The following TEX29 variants were observed in gnomAD, a reference collection of about 807,000 sequenced individuals.
The protein encoded by TEX29 is testis expressed 29, also known as testis-expressed protein 29.
Under a neutral mutation model 18.2 loss-of-function variants are expected in TEX29, and 26 were observed. The ratio of observed to expected loss-of-function variants is 1.43; its 90% CI spans 1.04 to 1.98. The LOEUF (loss-of-function observed/expected upper bound fraction) is 1.98, where lower values mean the gene tolerates loss of function less well. TEX29 is among the 30% of genes most tolerant of loss of function. TEX29 has a pLI of 0.00. For missense variants in TEX29, 177 were observed against 194.2 expected, an observed-to-expected ratio of 0.91 and a Z score of 0.53; for synonymous variants, 83 against 78.5, an observed-to-expected ratio of 1.06 and a Z score of -0.31.
intron 3 of TEX29, among the ~76,000 whole-genome samples, chr13:111,338,273 T>A (rs2093692350): frequency 6.6e-6 from 1 of 152,134 alleles, no homozygotes; most frequent in Admixed American, 6.6e-5. Context: ...GAGTGAGCCC[T>A]CCATCCAAAA....
At chr13:111,325,917 C>T (rs72653597) in intron 2 of TEX29, among the ~76,000 whole-genome samples, 4,661 of 152,344 alleles carry the variant, frequency 0.031, 120 homozygotes, top group African/African-American at 0.069. Context: ...ATTAAACATC[C>T]GCTGTCACCT....
Position 111,332,339 on chromosome 13 carries a change from G to A in TEX29, c.169+4046G>A, listed in dbSNP as rs529469211. The stretch of plus-strand genomic sequence containing the variant: ...GAATTGTTTTGTTCATTTTCAGATT[G>A]TCTATTGCCAGCATATAGAAATATA... On this transcript the variant is annotated intron_variant, in intron 3 of 5. Coordinates refer to ENST00000283547, the MANE Select transcript of TEX29 (RefSeq NM_152324.3). Among the ~76,000 whole-genome samples the A allele has an allele frequency of 2.0e-5, 3 of 151,768 alleles. No individual in the cohort carries two copies. The East Asian group carries it at 5.8e-4, about 29-fold the overall frequency.
At chr13:111,332,575 C>G (rs967661886) in intron 3 of TEX29, among the ~76,000 whole-genome samples, 2 of 152,072 alleles carry the variant, frequency 1.3e-5, no homozygotes, top group South Asian at 4.1e-4. Context: ...ATGAATAGAA[C>G]TAGGAAGAGC....
chr13:111,335,799 G>A (rs146179322), intron 3 of TEX29, among the ~76,000 whole-genome samples: 6 of 152,296 alleles, frequency 3.9e-5, no homozygotes, highest in Admixed American at 6.5e-5. Context: ...AGATCCAACC[G>A]TGTAAAGTGG....
At chr13:111,329,971 G>C (rs934546674) in intron 3 of TEX29, among the ~76,000 whole-genome samples, 3 of 152,174 alleles carry the variant, frequency 2.0e-5, no homozygotes, top group Non-Finnish European at 4.4e-5. Flanking sequence ...CACACAGTTA[G>C]ATAAATGTGC....
intron 3 of TEX29, among the ~76,000 whole-genome samples, chr13:111,338,096 G>A (rs1489946345): frequency 6.7e-6 from 1 of 149,622 alleles, no homozygotes; most frequent in Non-Finnish European, 1.5e-5. Flanking sequence ...CATGTGCCCA[G>A]GAGGCCACTT....
chr13:111,338,888 G>A (rs932371969), intron 3 of TEX29, among the ~76,000 whole-genome samples: 4 of 152,208 alleles, frequency 2.6e-5, no homozygotes, highest in South Asian at 2.1e-4. Flanking sequence ...AATGATGCTC[G>A]TGTACAAATG....
upstream of TEX29, among the ~76,000 whole-genome samples, chr13:111,317,872 G>A (rs773096563): frequency 5.1e-4 from 77 of 152,234 alleles, 2 homozygotes; most frequent in Admixed American, 2.4e-3. Flanking sequence ...TCCCCTCCCC[G>A]GGCCTCTGCG....
At position 111,320,855 on chromosome 13, in the gene TEX29, A is replaced by G. The variant is rs529398408; in HGVS notation, c.-34-2A>G. 2.7e-5 allele frequency: 44 copies of G among 1,612,780 alleles called. 1 individual carries two copies. In the South Asian group the frequency reaches 4.5e-4, roughly 17 times the overall value. ...CCCGTGCTGACCTCTCCTGTTTTCC[A>G]GGTGTGCTCGGCCCCTTCATCTGTC... On this transcript the variant is annotated splice_acceptor_variant, in intron 1 of 5. Transcript: ENST00000283547. LOFTEE classifies it low-confidence loss of function (5UTR_SPLICE).
intron 3 of TEX29, among the ~76,000 whole-genome samples, chr13:111,329,138 C>G (rs532781769): frequency 6.7e-4 from 102 of 152,246 alleles, no homozygotes; most frequent in African/African-American, 2.3e-3. Flanking sequence ...CTGTGGAGGC[C>G]CCTTTTGGAA....
intron 2 of TEX29, among the ~76,000 whole-genome samples, chr13:111,324,535 C>G (rs1254846348): frequency 6.6e-6 from 1 of 152,248 alleles, no homozygotes; most frequent in Admixed American, 6.5e-5. Flanking sequence ...GGGAGTCACA[C>G]TGAGGACCCG....
chr13:111,333,470 T>C (rs1392898120), intron 3 of TEX29, among the ~76,000 whole-genome samples: 1 of 152,240 alleles, frequency 6.6e-6, no homozygotes, highest in African/African-American at 2.4e-5. Context: ...AGTTTACTGA[T>C]TGTTTTGCCT....
chr13:111,334,350 G>A (rs2153641828), intron 3 of TEX29, among the ~76,000 whole-genome samples: 1 of 152,326 alleles, frequency 6.6e-6, no homozygotes, highest in East Asian at 1.9e-4. Flanking sequence ...GTAGCTACTA[G>A]ACAAAAATTC....
chr13:111,322,513 CAG>C lies in TEX29; in HGVS notation c.58+1566_58+1567del, dbSNP rs571390909. On this transcript the variant is annotated intron_variant, in intron 2 of 5. Coordinates refer to ENST00000283547, the MANE Select transcript of TEX29 (RefSeq NM_152324.3). The stretch of plus-strand genomic sequence containing the variant: ...GGCCACCCCGTCTGTGAGGGGCTGT[CAG>C]GGGCTGCTGGAGGCTGGTGCCACTT... Among the ~76,000 whole-genome samples the C allele has an allele frequency of 2.4e-4, 36 of 152,268 alleles. No individual in the cohort carries two copies. In the South Asian group the frequency reaches 6.6e-3, roughly 28 times the overall value.
intron 4 of TEX29, among the ~76,000 whole-genome samples, chr13:111,342,106 G>C (rs1436397555): frequency 2.0e-5 from 3 of 152,202 alleles, no homozygotes; most frequent in Non-Finnish European, 4.4e-5. Context: ...CAAGGAAGCA[G>C]GTGGCTATTC....
intron 2 of TEX29, among the ~76,000 whole-genome samples, chr13:111,326,845 T>G (rs1005271099): frequency 6.6e-6 from 1 of 152,118 alleles, no homozygotes; most frequent in Non-Finnish European, 1.5e-5. Context: ...TCTGGCGCTG[T>G]GTCCACCCTG....
Position 111,342,824 on chromosome 13 carries a change from A to G in TEX29, c.308A>G (p.Glu103Gly). 1 of 1,614,158 alleles carries G rather than the reference A, an allele frequency of 6.2e-7. No homozygotes were observed. The highest frequency in any genetic ancestry group is 1.7e-5 in the Admixed American group (1 of 60,032). Residue 103 changes from glutamate to glycine, a missense_variant, in exon 5 of 6, where the codon GAA (glutamate) becomes GGA (glycine). Glu to Gly is a moderately conservative substitution (Grantham distance 98, BLOSUM62 -2). Coordinates refer to ENST00000283547, the MANE Select transcript of TEX29 (RefSeq NM_152324.3). ...VDVALPQKSS[E>G]KAELASSSSK... ...GTCGCGCTGCCACAGAAGTCCAGCGAAAAGGCGGAGTTGGCCTCATCCAGC... is the reference window on the plus strand; with the variant it reads ...GTCGCGCTGCCACAGAAGTCCAGCGGAAAGGCGGAGTTGGCCTCATCCAGC...
intron 2 of TEX29, among the ~76,000 whole-genome samples, chr13:111,321,564 G>GC (rs2093664528): frequency 6.6e-6 from 1 of 152,134 alleles, no homozygotes; most frequent in South Asian, 2.1e-4. Context: ...CTACTTGAAT[G>GC]TTTTTTTCTC....
At chr13:111,333,891 C>T (rs2093686101) in intron 3 of TEX29, among the ~76,000 whole-genome samples, 1 of 152,218 alleles carries the variant, frequency 6.6e-6, no homozygotes, top group Admixed American at 6.5e-5. Flanking sequence ...CACCAGGTCC[C>T]TCGCTTGACA....
Sources: gnomAD v4.1 joint callset for allele counts (sites outside exome capture counted in the v4.1 genomes callset) on GRCh38, gnomAD v4.1.1 for gene constraint, MANE v1.5 for transcripts, NCBI Gene and HGNC (gene_info 2026-07-23, HGNC 2026-07-21) for gene names.